EVC: variants seen among roughly 807,000 people sequenced by gnomAD.
EVC encodes evC complex member EVC.
Under a neutral mutation model 118.9 loss-of-function variants are expected in EVC, and 116 were observed. The observed-to-expected ratio is 0.98, with a 90% CI of 0.84 to 1.14. The LOEUF (loss-of-function observed/expected upper bound fraction) is 1.14. EVC is among the 50% of genes most tolerant of loss of function. The probability of loss-of-function intolerance (pLI) is 0.00; values close to 1 mark genes in which losing one functional copy is unlikely to be tolerated. For missense variants in EVC, 1,401 were observed against 1,246.4 expected (o/e 1.12, Z -1.87); for synonymous variants, 619 against 534.7 (o/e 1.16, Z -2.18).
chr4:5,816,787 T>C (rs1191404877), downstream of EVC, among the ~76,000 whole-genome samples: 3 of 151,156 alleles, frequency 2.0e-5, no homozygotes, highest in Non-Finnish European at 4.4e-5. Flanking sequence ...TCTCTCCTCA[T>C]TTTGCCTCAC....
intron 11 of EVC, among the ~76,000 whole-genome samples, chr4:5,776,301 C>A (rs564662470): frequency 2.6e-4 from 39 of 152,076 alleles, no homozygotes; most frequent in African/African-American, 9.2e-4. Context: ...GTTTTGTTTT[C>A]TTTTTCTTAA....
intron 15 of EVC, among the ~76,000 whole-genome samples, chr4:5,800,166 G>A (rs1191752362): frequency 1.3e-5 from 2 of 152,128 alleles, no homozygotes; most frequent in African/African-American, 2.4e-5. Context: ...CCAACACAGT[G>A]AAACCCCGTC....
chr4:5,818,849 T>C (rs1718062312), downstream of EVC, among the ~76,000 whole-genome samples: 1 of 152,220 alleles, frequency 6.6e-6, no homozygotes, highest in Non-Finnish European at 1.5e-5. Context: ...GTTACAGTGA[T>C]GCCAAATGGA....
At chr4:5,778,589 T>C (rs1322280124) in intron 11 of EVC, among the ~76,000 whole-genome samples, 1 of 152,200 alleles carries the variant, frequency 6.6e-6, no homozygotes, top group Non-Finnish European at 1.5e-5. Context: ...CTGATGGCCA[T>C]TGATGGTGAG....
At position 5,746,462 on chromosome 4, in the gene EVC, G is replaced by A. The variant is rs2152034665; in HGVS notation, c.939+1121G>A. 6.6e-6 allele frequency among the ~76,000 whole-genome samples: 1 copy of A among 152,340 alleles called. No individual in the cohort carries two copies. Among genetic ancestry groups the A allele is most frequent in the East Asian group, 1.9e-4 (1 of 5,178 alleles). The stretch of plus-strand genomic sequence containing the variant: ...CCCCAGAGCAAGATGCTCATGGGAG[G>A]GAGGGAGCCAATGCTCCTGTCCTCT... On this transcript the variant is annotated intron_variant, in intron 7 of 20. Coordinates refer to ENST00000264956, the MANE Select transcript of EVC (RefSeq NM_153717.3). The surrounding 1 kb of genome is among the most constrained non-coding windows in gnomAD (Gnocchi z 5.8).
At chr4:5,782,234 C>T (rs1249377039) in intron 11 of EVC, among the ~76,000 whole-genome samples, 6 of 151,518 alleles carry the variant, frequency 4.0e-5, no homozygotes, top group Admixed American at 2.0e-4. Context: ...CCACCACGCC[C>T]GGCTAATTTT....
Position 5,719,198 on chromosome 4 carries a change from C to T in EVC, c.175-50C>T, listed in dbSNP as rs749139900. 1.2e-6 allele frequency: 2 copies of T among 1,613,328 alleles called. No homozygotes were observed. The highest frequency in any genetic ancestry group is 1.7e-6 in the Non-Finnish European group (2 of 1,179,550). On this transcript the variant is annotated intron_variant, in intron 1 of 20. Transcript: ENST00000264956. The surrounding 1 kb of genome is among the most constrained non-coding windows in gnomAD (Gnocchi z 4.7). The stretch of plus-strand genomic sequence containing the variant: ...CACGGTGGGGACCAGGCCGACTGAC[C>T]TCAATGTTGTGTTTCTATCCACCCC...
chr4:5,719,343 G>T lies in EVC; in HGVS notation c.270G>T (p.Val90=). 2 of 1,614,224 alleles carry T rather than the reference G, an allele frequency of 1.2e-6. No homozygotes were observed. The highest frequency in any genetic ancestry group is 1.7e-6 in the Non-Finnish European group (2 of 1,180,046). ...GSPSRRRKRE[V]QMSKDKEAVD... ...CATCAAGGAGGAGGAAGAGAGAAGTGCAGATGTCGAAGGACAAGGAAGCTG... is the reference window on the plus strand; with the variant it reads ...CATCAAGGAGGAGGAAGAGAGAAGTTCAGATGTCGAAGGACAAGGAAGCTG... The change falls in exon 2 of 21, where the codon GTG becomes GTT. Residue 90 remains valine (V), a synonymous_variant. Coordinates refer to ENST00000264956, the MANE Select transcript of EVC (RefSeq NM_153717.3). This position sits in a 1 kb window ranked among gnomAD's most constrained non-coding sequence, Gnocchi z 4.7.
In EVC at chr4:5,797,064, C is replaced by T; in HGVS notation, c.1929C>T (p.Arg643=). ...TGCAGGGGCATGACCTGCTGTTGCG[C>T]TCAGCCCTCCGGAGGCTGGCACTCC... The part of the protein sequence containing the change: ...CVLQGHDLLL[R]SALRRLALRG... The change falls in exon 14 of 21, where the codon CGC becomes CGT. Residue 643 remains arginine (R), a synonymous_variant. Coordinates refer to ENST00000264956, the MANE Select transcript of EVC (RefSeq NM_153717.3). 6.2e-7 allele frequency: 1 copy of T among 1,613,488 alleles called. No individual in the cohort carries two copies. The highest frequency in any genetic ancestry group is 8.5e-7 in the Non-Finnish European group (1 of 1,180,016).
At position 5,737,325 on chromosome 4, in the gene EVC, G is replaced by T. The variant is rs775754027; in HGVS notation, c.702+3890G>T. Among the ~76,000 whole-genome samples, 3 of 152,244 alleles carry T rather than the reference G, an allele frequency of 2.0e-5. No individual in the cohort carries two copies. Among genetic ancestry groups the T allele is most frequent in the Non-Finnish European group, 2.9e-5 (2 of 68,050 alleles). On this transcript the variant is annotated intron_variant, in intron 5 of 20. Transcript: ENST00000264956. The surrounding 1 kb of genome is among the most constrained non-coding windows in gnomAD (Gnocchi z 5.0). ...ACAAACAAAAGTGCAAGGTGAAGCA[G>T]CAGCAAGTGCTGATGGAGAAGCTTC... is the stretch of plus-strand genomic sequence containing the variant.
At chr4:5,727,617 T>C (rs1203603625) in intron 2 of EVC, among the ~76,000 whole-genome samples, 1 of 151,666 alleles carries the variant, frequency 6.6e-6, no homozygotes, top group East Asian at 1.9e-4. Flanking sequence ...TTGCCATTGC[T>C]TTTGGTGTTT....
At chr4:5,788,019 C>T (rs1302774324) in intron 12 of EVC, among the ~76,000 whole-genome samples, 1 of 152,140 alleles carries the variant, frequency 6.6e-6, no homozygotes. Context: ...TCTCAGTCTC[C>T]TTTGCTGGCC....
Position 5,746,818 on chromosome 4 carries a change from A to G in EVC, c.940-1330A>G, listed in dbSNP as rs1729418493. 6.6e-6 allele frequency among the ~76,000 whole-genome samples: 1 copy of G among 152,180 alleles called. No individual in the cohort carries two copies. The highest frequency in any genetic ancestry group is 2.4e-5 in the African/African-American group (1 of 41,442). On this transcript the variant is annotated intron_variant, in intron 7 of 20. Transcript: ENST00000264956. This position sits in a 1 kb window ranked among gnomAD's most constrained non-coding sequence, Gnocchi z 5.8. ...GTGCCAAATCCTGGATCCTGCCCAT[A>G]TTTAAGGAGGAGCGGATGAGAAGAA... is the stretch of plus-strand genomic sequence containing the variant.
intron 8 of EVC, among the ~76,000 whole-genome samples, chr4:5,748,872 C>G (rs1255038752): frequency 6.6e-6 from 1 of 152,104 alleles, no homozygotes; most frequent in Non-Finnish European, 1.5e-5. Context: ...TGGTCCTAAA[C>G]CTGAAATTAC....
At chr4:5,827,832 G>T in the EVC span, among the ~76,000 whole-genome samples, 1 of 152,170 alleles carries the variant, frequency 6.6e-6, no homozygotes, top group African/African-American at 2.4e-5. Context: ...CCTGGCTGGG[G>T]AAGATGTTGG....
At chr4:5,788,446 G>A (rs1300082763) in intron 12 of EVC, among the ~76,000 whole-genome samples, 1 of 152,148 alleles carries the variant, frequency 6.6e-6, no homozygotes, top group Non-Finnish European at 1.5e-5. Flanking sequence ...CTCAGCTCAG[G>A]ATCATTCCTG....
chr4:5,790,180 C>CAAAAAAAAAA lies in EVC; in HGVS notation c.1777-3422_1777-3413dup, dbSNP rs35158259. Among the ~76,000 whole-genome samples the CAAAAAAAAAA allele has an allele frequency of 3.3e-3, 365 of 112,034 alleles. 12 individuals are homozygous for CAAAAAAAAAA. Among genetic ancestry groups the CAAAAAAAAAA allele is most frequent in the African/African-American group, 6.1e-3 (168 of 27,516 alleles). 73.5% of individuals were successfully genotyped at this position (112,034 alleles called of 152,430 possible). ...TGGGTGACAGAGTGAGACTCCATCT[C>CAAAAAAAAAA]AAAAAAAAAAAAAAAGACAACGATG... On this transcript the variant is annotated intron_variant, in intron 12 of 20. Coordinates refer to ENST00000264956, the MANE Select transcript of EVC (RefSeq NM_153717.3).
At chr4:5,733,794 T>C (rs1228024561) in intron 5 of EVC, among the ~76,000 whole-genome samples, 1 of 152,306 alleles carries the variant, frequency 6.6e-6, no homozygotes, top group Non-Finnish European at 1.5e-5. Context: ...AGCATGAATT[T>C]TCTTGAGTCT....
intron 12 of EVC, chr4:5,793,395 A>C: frequency 1.7e-6 from 1 of 587,756 alleles, no homozygotes; most frequent in Non-Finnish European, 3.1e-6. Context: ...TAGAATATTT[A>C]AAATTTTCGT....
Sources: gnomAD v4.1 joint callset for allele counts (sites outside exome capture counted in the v4.1 genomes callset) on GRCh38, gnomAD v4.1.1 for gene constraint, Gnocchi (gnomAD v3.1) non-coding constraint, MANE v1.5 for transcripts, NCBI Gene and HGNC (gene_info 2026-07-23, HGNC 2026-07-21) for gene names.